COLEC10: variants seen among roughly 807,000 people sequenced by gnomAD.
COLEC10 encodes the protein collectin-10.
In COLEC10, 22 loss-of-function variants were observed where a neutral mutation model predicts 28.4. That is an observed-to-expected ratio of 0.78 (90% CI 0.55 to 1.11). The LOEUF is 1.11. COLEC10 is among the 50% of genes least tolerant of loss of function. The pLI is 0.00. For missense variants in COLEC10, 361 were observed against 344.1 expected, an observed-to-expected ratio of 1.05 and a Z score of -0.39; for synonymous variants, 125 against 116.1, an observed-to-expected ratio of 1.08 and a Z score of -0.49.
intron 2 of COLEC10, among the ~76,000 whole-genome samples, chr8:119,010,136 C>G (rs138061916): frequency 6.6e-6 from 1 of 150,736 alleles, no homozygotes; most frequent in South Asian, 2.1e-4. Flanking sequence ...GAATAGTTCC[C>G]CTGACTTAAA....
intron 2 of COLEC10, among the ~76,000 whole-genome samples, chr8:119,014,380 A>T (rs1388041675): frequency 6.7e-6 from 1 of 149,440 alleles, no homozygotes; most frequent in Non-Finnish European, 1.5e-5. Context: ...CCTCAACACT[A>T]AACACTTTAC....
chr8:118,956,094 G>T, the COLEC10 span, among the ~76,000 whole-genome samples: 3 of 152,264 alleles, frequency 2.0e-5, no homozygotes, highest in Admixed American at 2.0e-4. Flanking sequence ...TTTGCAGACT[G>T]CCAACTTTAC....
intron 3 of COLEC10, among the ~76,000 whole-genome samples, chr8:119,099,574 C>T (rs1001116693): frequency 2.0e-5 from 3 of 150,346 alleles, no homozygotes; most frequent in Non-Finnish European, 4.5e-5. Flanking sequence ...GAGCTTTCAT[C>T]ATCTTTCATT....
intron 2 of COLEC10, among the ~76,000 whole-genome samples, chr8:119,032,333 A>T (rs1408560743): frequency 1.3e-5 from 2 of 152,152 alleles, no homozygotes; most frequent in Admixed American, 1.3e-4. Flanking sequence ...TGCATTACGA[A>T]GTGTTCATTC....
At chr8:118,984,850 C>T in the COLEC10 span, among the ~76,000 whole-genome samples, 4 of 152,030 alleles carry the variant, frequency 2.6e-5, no homozygotes, top group East Asian at 1.9e-4. Flanking sequence ...ATAATCATGG[C>T]GGAAGGCAAG....
chr8:118,993,614 C>A (rs1359389941), upstream of COLEC10, among the ~76,000 whole-genome samples: 1 of 152,112 alleles, frequency 6.6e-6, no homozygotes, highest in Non-Finnish European at 1.5e-5. Flanking sequence ...CTTGGCCTCC[C>A]AAAGTGATGA....
intron 2 of COLEC10, among the ~76,000 whole-genome samples, chr8:119,029,106 CG>C (rs1348999928): frequency 6.6e-6 from 1 of 152,058 alleles, no homozygotes; most frequent in South Asian, 2.1e-4. Flanking sequence ...TCACTAGCTG[CG>C]GGGAGTCATG....
the COLEC10 span, among the ~76,000 whole-genome samples, chr8:118,971,112 G>A: frequency 6.6e-6 from 1 of 151,956 alleles, no homozygotes; most frequent in African/African-American, 2.4e-5. Flanking sequence ...TAATTTGAGT[G>A]TGGCCTCCTC....
intron 1 of COLEC10, among the ~76,000 whole-genome samples, chr8:119,009,042 G>A (rs192964527): frequency 6.6e-6 from 1 of 151,058 alleles, no homozygotes; most frequent in African/African-American, 2.5e-5. Context: ...TGTTAGGCGG[G>A]CAGTGCCTTT....
chr8:118,960,798 A>T, the COLEC10 span, among the ~76,000 whole-genome samples: 8 of 151,450 alleles, frequency 5.3e-5, no homozygotes, highest in African/African-American at 1.9e-4. Flanking sequence ...AAAAAAAAAA[A>T]AAAAAAAAAA....
In COLEC10 at chr8:119,067,387, G is replaced by T. The variant is rs146657673; in HGVS notation, c.106G>T (p.Ala36Ser). The T allele has an allele frequency of 1.2e-6, 2 of 1,613,932 alleles. No homozygotes were observed. Among genetic ancestry groups the T allele is most frequent in the Non-Finnish European group, 1.7e-6 (2 of 1,179,940 alleles). Residue 36 changes from alanine to serine, a missense_variant, in exon 1 of 6, where the codon GCT becomes TCT. Physicochemically the swap from Ala to Ser is moderately conservative, Grantham distance 99. Around this residue, in one of 3 missense-constraint regions of COLEC10, gnomAD observed 335 missense variants for 308.5 expected, o/e 1.09. Transcript: ENST00000332843. ...LGLDIDSRPT[A>S]EVCATHTISP... is the part of the protein sequence containing the mutation. ...TCTGGATATTGATAGCCGTCCTACCGCTGAAGTCTGTGCCACACACACAAT... is the reference window on the plus strand; with the variant it reads ...TCTGGATATTGATAGCCGTCCTACCTCTGAAGTCTGTGCCACACACACAAT...
the COLEC10 span, among the ~76,000 whole-genome samples, chr8:118,982,211 TC>T: frequency 6.6e-6 from 1 of 151,978 alleles, no homozygotes; most frequent in Non-Finnish European, 1.5e-5. Context: ...ATCATCTCCT[TC>T]CCTTTCACTT....
the COLEC10 span, among the ~76,000 whole-genome samples, chr8:118,990,209 A>C: frequency 6.6e-6 from 1 of 152,148 alleles, no homozygotes; most frequent in South Asian, 2.1e-4. Flanking sequence ...TGAGCTCAAA[A>C]TATTTTATCT....
chr8:119,060,192 C>T (rs1044129196), intron 2 of COLEC10, among the ~76,000 whole-genome samples: 3 of 152,044 alleles, frequency 2.0e-5, no homozygotes, highest in African/African-American at 4.8e-5. Context: ...TAAAAACCCA[C>T]AATGACTGTA....
the COLEC10 span, chr8:118,976,700 A>G: frequency 6.6e-6 from 1 of 152,230 alleles, no homozygotes. Context: ...CAAGGACTTC[A>G]TGTCTAAAAC....
At chr8:119,047,734 CCT>C (rs372045083) in intron 2 of COLEC10, among the ~76,000 whole-genome samples, 68 of 150,876 alleles carry the variant, frequency 4.5e-4, no homozygotes, top group African/African-American at 1.5e-3. Flanking sequence ...TCTGAAATGC[CCT>C]CTCTTATTAA....
intron 2 of COLEC10, among the ~76,000 whole-genome samples, chr8:119,020,096 C>T (rs547112826): frequency 1.3e-5 from 2 of 152,240 alleles, no homozygotes; most frequent in African/African-American, 4.8e-5. Flanking sequence ...AGGACTTATT[C>T]ATAGCCTGGC....
At chr8:118,964,952 G>T in the COLEC10 span, among the ~76,000 whole-genome samples, 43 of 152,182 alleles carry the variant, frequency 2.8e-4, no homozygotes, top group African/African-American at 1.0e-3. Flanking sequence ...AAAGCAAAGG[G>T]TCACCTTGTT....
the COLEC10 span, among the ~76,000 whole-genome samples, chr8:118,952,980 TTA>T: frequency 2.0e-5 from 3 of 152,100 alleles, no homozygotes; most frequent in Non-Finnish European, 4.4e-5. Context: ...AGTGTTCAAG[TTA>T]TATGTCTCCA....
Sources: allele counts gnomAD v4.1 joint callset (sites outside exome capture counted in the v4.1 genomes callset), GRCh38; gene constraint gnomAD v4.1.1; regional missense constraint gnomAD v4.1.1; transcripts MANE v1.5; gene names NCBI Gene and HGNC (gene_info 2026-07-23, HGNC 2026-07-21).